Variants in NRG3 observed in about 807,000 individuals in gnomAD.
NRG3 encodes the protein pro-neuregulin-3, membrane-bound isoform.
A neutral mutation model predicts 66.9 loss-of-function variants in NRG3; 31 were observed. That is an observed-to-expected ratio of 0.46 (90% confidence interval 0.35 to 0.63). NRG3 has a LOEUF of 0.63. Ranked by LOEUF, NRG3 falls within the 20% of genes least tolerant of loss-of-function variation. NRG3 has a pLI of 0.00. For missense variants in NRG3, 910 were observed against 878.9 expected, an observed-to-expected ratio of 1.04 and a Z score of -0.45; for synonymous variants, 393 against 359.4, an observed-to-expected ratio of 1.09 and a Z score of -1.06.
At chr10:82,837,666 C>G (rs1445055794) in intron 3 of NRG3, among the ~76,000 whole-genome samples, 2 of 152,170 alleles carry the variant, frequency 1.3e-5, no homozygotes, top group Non-Finnish European at 2.9e-5. Context: ...CAGAGGGACA[C>G]TGGTAAACTA....
intron 1 of NRG3, among the ~76,000 whole-genome samples, chr10:82,028,088 G>GAAGT (rs2062399339): frequency 6.6e-6 from 1 of 152,108 alleles, no homozygotes; most frequent in Admixed American, 6.5e-5. Flanking sequence ...AGAATAGTAG[G>GAAGT]AAGTAAGTAA....
chr10:82,838,954 G>T (rs1266271598), intron 3 of NRG3, among the ~76,000 whole-genome samples: 1 of 152,098 alleles, frequency 6.6e-6, no homozygotes, highest in Non-Finnish European at 1.5e-5. Flanking sequence ...TGAAAACCAA[G>T]CGAAAAGGGT....
chr10:82,757,598 A>G (rs1171365782), intron 3 of NRG3, among the ~76,000 whole-genome samples: 1 of 152,106 alleles, frequency 6.6e-6, no homozygotes, highest in Non-Finnish European at 1.5e-5. Context: ...GTCAGAATGA[A>G]TGATGCAATA....
At chr10:82,139,684 G>C (rs755598532) in intron 1 of NRG3, among the ~76,000 whole-genome samples, 12 of 152,118 alleles carry the variant, frequency 7.9e-5, no homozygotes, top group Non-Finnish European at 1.3e-4. Context: ...CTAACTCTAA[G>C]CAAAAGTGAA....
At chr10:82,529,461 C>T (rs1847044951) in intron 2 of NRG3, among the ~76,000 whole-genome samples, 1 of 152,190 alleles carries the variant, frequency 6.6e-6, no homozygotes, top group African/African-American at 2.4e-5. Flanking sequence ...AGTATAAATG[C>T]TATCACTACA....
intron 1 of NRG3, among the ~76,000 whole-genome samples, chr10:82,187,828 T>A (rs2073897922): frequency 6.6e-6 from 1 of 152,178 alleles, no homozygotes; most frequent in Non-Finnish European, 1.5e-5. Context: ...TTTCAGAATT[T>A]ATTTTGAAGA....
intron 1 of NRG3, among the ~76,000 whole-genome samples, chr10:81,936,231 A>G (rs1264654091): frequency 6.6e-6 from 1 of 152,160 alleles, no homozygotes; most frequent in East Asian, 1.9e-4. Context: ...CTGGGGAGAA[A>G]TATAAGAAAG....
chr10:82,705,628 G>A (rs2056233312), intron 2 of NRG3, among the ~76,000 whole-genome samples: 2 of 152,182 alleles, frequency 1.3e-5, no homozygotes, highest in African/African-American at 4.8e-5. Flanking sequence ...TGACCCTGAG[G>A]AGGGCTTACA....
At chr10:82,356,896 T>C (rs1338000027) in intron 1 of NRG3, among the ~76,000 whole-genome samples, 3 of 152,330 alleles carry the variant, frequency 2.0e-5, no homozygotes, top group African/African-American at 7.2e-5. Flanking sequence ...TAATTGTTGA[T>C]GTTAGAGAGA....
rs192065124 is a variant in NRG3, at chr10:82,876,460, T to C, written c.1054+11023T>C. Among the ~76,000 whole-genome samples, 23 of 151,988 alleles carry C rather than the reference T, an allele frequency of 1.5e-4. No individual in the cohort carries two copies. The East Asian group carries it at 2.9e-3, about 19-fold the overall frequency. On this transcript the variant is annotated intron_variant, in intron 4 of 8. Coordinates refer to ENST00000372141, the MANE Select transcript of NRG3 (RefSeq NM_001010848.4). ...ATTTTTATGAATTGAAATAAGGGTA[T>C]AGCTTGAACATTTACCAAATTATTG... is the stretch of plus-strand genomic sequence containing the variant.
chr10:82,616,087 C>T (rs1307689964), intron 2 of NRG3, among the ~76,000 whole-genome samples: 1 of 152,158 alleles, frequency 6.6e-6, no homozygotes, highest in African/African-American at 2.4e-5. Context: ...TGCAAACATA[C>T]ACTGAAAACC....
chr10:82,668,694 G>A (rs1386366567), intron 2 of NRG3, among the ~76,000 whole-genome samples: 1 of 152,154 alleles, frequency 6.6e-6, no homozygotes, highest in South Asian at 2.1e-4. Flanking sequence ...GCCTCCATCA[G>A]CAGCTGTTGC....
intron 1 of NRG3, among the ~76,000 whole-genome samples, chr10:82,255,232 A>C (rs1360242349): frequency 1.3e-5 from 2 of 152,172 alleles, no homozygotes; most frequent in African/African-American, 4.8e-5. Context: ...AAAATACCTG[A>C]ACCAGAACTC....
intron 1 of NRG3, among the ~76,000 whole-genome samples, chr10:82,163,799 G>A (rs997616824): frequency 2.6e-5 from 4 of 152,078 alleles, no homozygotes; most frequent in Non-Finnish European, 5.9e-5. Flanking sequence ...GACAGTTCAT[G>A]TATGCTTTTG....
intron 1 of NRG3, among the ~76,000 whole-genome samples, chr10:82,006,842 G>A (rs980758416): frequency 5.3e-5 from 8 of 152,024 alleles, no homozygotes; most frequent in Non-Finnish European, 8.8e-5. Context: ...AAGCTTTTTA[G>A]TAAAGGCTTA....
chr10:82,293,059 T>C (rs1181576529), intron 1 of NRG3, among the ~76,000 whole-genome samples: 1 of 152,150 alleles, frequency 6.6e-6, no homozygotes, highest in South Asian at 2.1e-4. Flanking sequence ...AAATAAAAAA[T>C]TGAATTCAGA....
intron 1 of NRG3, among the ~76,000 whole-genome samples, chr10:82,012,413 C>T (rs1340806950): frequency 1.3e-5 from 2 of 152,204 alleles, no homozygotes; most frequent in Non-Finnish European, 1.5e-5. Context: ...AGACCTCTGA[C>T]ATGCCATGGA....
At chr10:82,106,653 G>A (rs1207572890) in intron 1 of NRG3, among the ~76,000 whole-genome samples, 6 of 151,710 alleles carry the variant, frequency 4.0e-5, no homozygotes, top group African/African-American at 7.3e-5. Flanking sequence ...CTGCAGGCGC[G>A]CACCACCATG....
chr10:82,155,459 T>C (rs2071116384), intron 1 of NRG3, among the ~76,000 whole-genome samples: 1 of 151,792 alleles, frequency 6.6e-6, no homozygotes, highest in Non-Finnish European at 1.5e-5. Context: ...TGGATTACTG[T>C]AATTATGAAA....
Sources: gnomAD v4.1 joint callset for allele counts (sites outside exome capture counted in the v4.1 genomes callset) on GRCh38, gnomAD v4.1.1 for gene constraint, MANE v1.5 for transcripts, NCBI Gene and HGNC (gene_info 2026-07-23, HGNC 2026-07-21) for gene names.